FCHO2: variants seen among roughly 807,000 people sequenced by gnomAD.
The protein encoded by FCHO2 is F-BAR domain only protein 2.
A neutral mutation model predicts 114.1 loss-of-function variants in FCHO2; 43 were observed. The ratio of observed to expected loss-of-function variants is 0.38; its 90% CI spans 0.30 to 0.49. FCHO2 has a LOEUF of 0.49. Among genes scored for constraint, FCHO2 ranks in the 20% least tolerant of loss-of-function variants. The pLI, the probability that FCHO2 is intolerant of heterozygous loss-of-function variation, is 0.97. For synonymous variants in FCHO2, 293 were observed against 315.2 expected (o/e 0.93, Z 0.75); for missense variants, 807 against 950.4 (o/e 0.85, Z 1.98).
chr5:72,983,931 C>A (rs1403589349), intron 2 of FCHO2, among the ~76,000 whole-genome samples: 1 of 151,826 alleles, frequency 6.6e-6, no homozygotes, highest in South Asian at 2.1e-4. Flanking sequence ...ATAAGGTATA[C>A]GTGTGTTCAA....
chr5:73,082,188 A>C (rs2277017), intron 23 of FCHO2, among the ~76,000 whole-genome samples: 45,150 of 151,762 alleles, frequency 0.3, 6,948 homozygotes, highest in East Asian at 0.44. Context: ...GTTTTGCTCT[A>C]AGTACCACCC....
chr5:72,981,532 A>G (rs1286648453), intron 2 of FCHO2, among the ~76,000 whole-genome samples: 2 of 152,208 alleles, frequency 1.3e-5, no homozygotes, highest in Admixed American at 6.5e-5. Flanking sequence ...GATATCCTGA[A>G]GAGTGTTTTC....
At chr5:73,083,103 C>G (rs1251479172) in intron 24 of FCHO2, among the ~76,000 whole-genome samples, 1 of 151,800 alleles carries the variant, frequency 6.6e-6, no homozygotes, top group Non-Finnish European at 1.5e-5. Context: ...CCAGGATGGT[C>G]TCGATCTCCT....
At chr5:73,083,615 G>A (rs185381710) in intron 24 of FCHO2, among the ~76,000 whole-genome samples, 16 of 152,184 alleles carry the variant, frequency 1.1e-4, no homozygotes, top group Admixed American at 3.9e-4. Flanking sequence ...TTGCCGTCCC[G>A]GCACAGTGGC....
chr5:73,030,491 C>T (rs1477374729), intron 8 of FCHO2, among the ~76,000 whole-genome samples: 1 of 152,208 alleles, frequency 6.6e-6, no homozygotes, highest in Non-Finnish European at 1.5e-5. Context: ...TATCCCAGTC[C>T]TACTGAATCA....
At chr5:73,062,878 T>C (rs745945001) in intron 17 of FCHO2, among the ~76,000 whole-genome samples, 3 of 152,076 alleles carry the variant, frequency 2.0e-5, no homozygotes, top group Admixed American at 1.3e-4. Flanking sequence ...GGCCCACTTA[T>C]ATATTTTTAA....
chr5:72,997,238 T>A, intron 5 of FCHO2: 3 of 1,149,618 alleles, frequency 2.6e-6, no homozygotes, highest in African/African-American at 1.5e-5. Flanking sequence ...CTTTGTACAT[T>A]AGAGGCCCCA....
chr5:72,973,217 A>C (rs1249983978), intron 2 of FCHO2, among the ~76,000 whole-genome samples: 1 of 152,108 alleles, frequency 6.6e-6, no homozygotes, highest in Non-Finnish European at 1.5e-5. Flanking sequence ...CTGGCCTCAT[A>C]AAATGAGTTA....
chr5:73,055,978 T>G, intron 15 of FCHO2, 87 bp from the exon 16 acceptor site: 172 of 847,038 alleles, frequency 2.0e-4, no homozygotes, highest in Middle Eastern at 3.5e-4. Context: ...GTTATAGTGT[T>G]GAGATATGTG....
chr5:73,068,956 A>G (rs1322623948), intron 19 of FCHO2, among the ~76,000 whole-genome samples, 177 bp downstream of exon 19: 4 of 152,098 alleles, frequency 2.6e-5, no homozygotes, highest in South Asian at 2.1e-4. Context: ...TTCACAGTCT[A>G]TGTTATCTGG....
intron 8 of FCHO2, among the ~76,000 whole-genome samples, chr5:73,022,631 T>C (rs1755691562): frequency 6.6e-6 from 1 of 152,226 alleles, no homozygotes; most frequent in South Asian, 2.1e-4. Context: ...ACTGCCAATA[T>C]TGAGTGTTGG....
At position 73,063,919 on chromosome 5, in the gene FCHO2, G is replaced by T. The variant is rs770172951; in HGVS notation, c.1424G>T (p.Gly475Val). ...GCTTCCAGACCAAAGCTTACTTCAG[G>T]CAAACTCAGTGGGATTAATGAAATA... Reference protein sequence around the residue: ...RPASRPKLTSGKLSGINEIPR... With the variant: ...RPASRPKLTSVKLSGINEIPR... The change falls in exon 18 of 26, where the codon GGC becomes GTC. Residue 475 changes from glycine (G) to valine (V), a missense_variant. Transcript: ENST00000430046. The T allele has an allele frequency of 1.2e-6, 2 of 1,611,016 alleles. No individual in the cohort carries two copies. The highest frequency in any genetic ancestry group is 1.7e-5 in the Admixed American group (1 of 59,680).
intron 5 of FCHO2, chr5:72,996,892 C>T: frequency 5.9e-6 from 9 of 1,516,972 alleles, no homozygotes; most frequent in Non-Finnish European, 8.0e-6. Flanking sequence ...GCGGGGCCGG[C>T]AGAGCAGGCA....
intron 18 of FCHO2, among the ~76,000 whole-genome samples, chr5:73,067,270 C>T (rs760763710): frequency 6.6e-6 from 1 of 152,012 alleles, no homozygotes; most frequent in Non-Finnish European, 1.5e-5. Context: ...GGTTATGTTG[C>T]CATAGGAGAA....
chr5:72,963,362 A>T (rs1049356168), intron 1 of FCHO2, among the ~76,000 whole-genome samples: 1 of 152,202 alleles, frequency 6.6e-6, no homozygotes, highest in Non-Finnish European at 1.5e-5. Flanking sequence ...ACACAGAAGA[A>T]TACAGAACAC....
chr5:73,003,212 C>T (rs26577), intron 5 of FCHO2, among the ~76,000 whole-genome samples: 33,022 of 151,930 alleles, frequency 0.22, 4,473 homozygotes, highest in African/African-American at 0.38. Context: ...TGGGGTCTTG[C>T]TATGTTGCCC....
intron 18 of FCHO2, 134 bp downstream of exon 18, chr5:73,064,078 C>A: frequency 1.4e-6 from 1 of 724,058 alleles, no homozygotes; most frequent in Non-Finnish European, 2.3e-6. Context: ...AAAAATTTTC[C>A]CAGCTAGTGC....
intron 2 of FCHO2, among the ~76,000 whole-genome samples, chr5:72,982,826 ATT>A (rs36075860): frequency 0.69 from 74,512 of 107,654 alleles, 25,419 homozygotes; most frequent in Non-Finnish European, 0.79. Context: ...GTCTGGATTC[ATT>A]TTTTTTTTTT....
chr5:72,964,160 G>GT (rs1752049987), intron 1 of FCHO2, among the ~76,000 whole-genome samples: 1 of 151,912 alleles, frequency 6.6e-6, no homozygotes, highest in Non-Finnish European at 1.5e-5. Context: ...TGCTTCTGTA[G>GT]TTTTTTCTCA....
Sources: gnomAD v4.1 joint callset for allele counts (sites outside exome capture counted in the v4.1 genomes callset) on GRCh38, gnomAD v4.1.1 for gene constraint, MANE v1.5 for transcripts, NCBI Gene and HGNC (gene_info 2026-07-23, HGNC 2026-07-21) for gene names.